The following DLGAP2 variants were observed in gnomAD, a reference collection of about 807,000 sequenced individuals.
The protein encoded by DLGAP2 is disks large-associated protein 2.
In DLGAP2, 26 loss-of-function variants were observed where a neutral mutation model predicts 100.3. That is an observed-to-expected ratio of 0.26 (90% confidence interval 0.19 to 0.36). The LOEUF (loss-of-function observed/expected upper bound fraction) is 0.36. Among genes scored for constraint, DLGAP2 ranks in the 10% least tolerant of loss-of-function variants. The probability of loss-of-function intolerance (pLI) is 1.00; values close to 1 mark genes in which losing one functional copy is unlikely to be tolerated. For synonymous variants in DLGAP2, 886 were observed against 630.1 expected (o/e 1.41, Z -6.08); for missense variants, 1,858 against 1,453.2 (o/e 1.28, Z -4.53).
At chr8:793,850 G>C (rs1040957272) in intron 1 of DLGAP2, among the ~76,000 whole-genome samples, 2 of 152,150 alleles carry the variant, frequency 1.3e-5, no homozygotes, top group African/African-American at 4.8e-5. Flanking sequence ...TGCACTTCCT[G>C]TGGCCATGCT....
chr8:1,458,001 TATATATATATATAA>T (rs1341589772), intron 3 of DLGAP2, among the ~76,000 whole-genome samples: 4 of 136,432 alleles, frequency 2.9e-5, no homozygotes, highest in Non-Finnish European at 4.8e-5. Context: ...TATATATATA[TATATATATATATAA>T]TTTTTTATAT....
intron 3 of DLGAP2, among the ~76,000 whole-genome samples, chr8:1,407,387 T>A: frequency 9.1e-6 from 1 of 110,252 alleles, no homozygotes; most frequent in Non-Finnish European, 1.9e-5. Flanking sequence ...TCCTCCGGAG[T>A]CCTGTATTGA....
At chr8:852,231 G>C (rs1797195189) in intron 1 of DLGAP2, among the ~76,000 whole-genome samples, 1 of 152,150 alleles carries the variant, frequency 6.6e-6, no homozygotes, top group Non-Finnish European at 1.5e-5. Flanking sequence ...TCTCTGTCTT[G>C]GTGGATGACA....
intron 3 of DLGAP2, among the ~76,000 whole-genome samples, chr8:1,428,740 A>C (rs973070778): frequency 1.3e-5 from 2 of 152,216 alleles, no homozygotes; most frequent in African/African-American, 4.8e-5. Flanking sequence ...CAAATGTGTC[A>C]AGTGGAAGCT....
Position 1,517,339 on chromosome 8 carries a change from G to A in DLGAP2, c.172+15908G>A, listed in dbSNP as rs553598370. ...CCTAGGCAGGGATGGAAGAACGGAT[G>A]TGGAGCCCAGGAGGAGCAGAGAGCA... On this transcript the variant is annotated intron_variant, in intron 4 of 14. Transcript: ENST00000637795. Among the ~76,000 whole-genome samples the A allele has an allele frequency of 1.2e-3, 189 of 152,290 alleles. 1 individual carries two copies. The highest frequency in any genetic ancestry group is 2.4e-3 in the Non-Finnish European group (164 of 68,010).
In DLGAP2 at chr8:1,437,455, C is replaced by T. The variant is rs941653217; in HGVS notation, c.107-63911C>T. ...AACCCCACTGGTTTGTAGCGTAAGA[C>T]GATGTTTTCGGTGAAGCGCTATTTT... On this transcript the variant is annotated intron_variant, in intron 3 of 14. Transcript: ENST00000637795. 9.2e-5 allele frequency among the ~76,000 whole-genome samples: 14 copies of T among 152,248 alleles called. No homozygotes were observed. In the South Asian group the frequency reaches 1.9e-3, roughly 20 times the overall value.
chr8:1,261,503 C>T (rs1316822077), intron 3 of DLGAP2, among the ~76,000 whole-genome samples: 9 of 151,246 alleles, frequency 6.0e-5, no homozygotes, highest in Admixed American at 5.9e-4. Context: ...AGAAGACTCC[C>T]CCTGTCCGGT....
At chr8:1,068,933 T>C (rs977280137) in intron 2 of DLGAP2, among the ~76,000 whole-genome samples, 1 of 152,126 alleles carries the variant, frequency 6.6e-6, no homozygotes, top group Admixed American at 6.5e-5. Context: ...GGGGCTGGGC[T>C]CAGGGCAGGT....
chr8:1,103,312 T>A (rs1044142128), intron 2 of DLGAP2, among the ~76,000 whole-genome samples: 1 of 152,168 alleles, frequency 6.6e-6, no homozygotes, highest in African/African-American at 2.4e-5. Context: ...CTCAGAGTCG[T>A]ATGGCCTTGG....
At chr8:957,688 C>T (rs1202043619) in intron 2 of DLGAP2, among the ~76,000 whole-genome samples, 3 of 152,166 alleles carry the variant, frequency 2.0e-5, no homozygotes, top group Admixed American at 1.3e-4. Context: ...TAATGCCTTA[C>T]CCTTGTCAGT....
At chr8:1,557,700 C>T (rs1482357447) in intron 5 of DLGAP2, among the ~76,000 whole-genome samples, 1 of 152,178 alleles carries the variant, frequency 6.6e-6, no homozygotes, top group Non-Finnish European at 1.5e-5. Flanking sequence ...CCAAGGCCAG[C>T]TCCTGCTGAG....
chr8:982,246 A>G (rs1337010723), intron 2 of DLGAP2, among the ~76,000 whole-genome samples: 1 of 152,242 alleles, frequency 6.6e-6, no homozygotes, highest in African/African-American at 2.4e-5. Flanking sequence ...TGACCGTGCA[A>G]GACCCGTTAA....
chr8:1,476,720 A>C (rs1180956950), intron 3 of DLGAP2, among the ~76,000 whole-genome samples: 1 of 148,058 alleles, frequency 6.8e-6, no homozygotes, highest in Non-Finnish European at 1.5e-5. Flanking sequence ...GAGTGCTGTC[A>C]GCCACCCACT....
intron 3 of DLGAP2, among the ~76,000 whole-genome samples, chr8:1,327,345 C>T (rs1249114519): frequency 3.9e-5 from 6 of 152,194 alleles, no homozygotes; most frequent in Admixed American, 2.6e-4. Flanking sequence ...CAGTGGGTTT[C>T]ATGTAAAAGG....
chr8:741,755 C>T (rs1026039389), intron 1 of DLGAP2, among the ~76,000 whole-genome samples: 3 of 152,192 alleles, frequency 2.0e-5, no homozygotes, highest in South Asian at 2.1e-4. Context: ...GTTGGCTTGG[C>T]GGACCCTACT....
At chr8:927,274 G>A (rs1371678783) in intron 2 of DLGAP2, 2 of 975,008 alleles carry the variant, frequency 2.1e-6, no homozygotes, top group African/African-American at 3.5e-5. Context: ...GAGCCTATGG[G>A]GATTTTCTTG....
At chr8:1,279,179 A>C (rs1170752039) in intron 3 of DLGAP2, among the ~76,000 whole-genome samples, 3 of 152,290 alleles carry the variant, frequency 2.0e-5, no homozygotes, top group South Asian at 4.1e-4. Flanking sequence ...TGATAATTTT[A>C]AGTTAGGAAG....
At chr8:1,316,446 C>G (rs1260378586) in intron 3 of DLGAP2, among the ~76,000 whole-genome samples, 43 of 126,632 alleles carry the variant, frequency 3.4e-4, no homozygotes, top group Non-Finnish European at 4.9e-4. Flanking sequence ...GTGGTCTACA[C>G]TCGAGAAACT....
intron 3 of DLGAP2, among the ~76,000 whole-genome samples, chr8:1,295,041 C>T (rs1025026118): frequency 3.3e-5 from 5 of 152,038 alleles, no homozygotes; most frequent in Admixed American, 3.3e-4. Context: ...TATCGCTGAG[C>T]AGAAGGAAAG....
Sources: allele counts gnomAD v4.1 joint callset (sites outside exome capture counted in the v4.1 genomes callset), GRCh38; gene constraint gnomAD v4.1.1; transcripts MANE v1.5; gene names NCBI Gene and HGNC (gene_info 2026-07-23, HGNC 2026-07-21).